Variants in ARHGEF4 observed in about 807,000 individuals in gnomAD.
ARHGEF4 encodes APC-stimulated guanine nucleotide exchange factor 1.
In ARHGEF4, 119 loss-of-function variants were observed where a neutral mutation model predicts 162.0. That is an observed-to-expected ratio of 0.73 (90% confidence interval 0.63 to 0.86). The LOEUF is 0.86. Among genes scored for constraint, ARHGEF4 ranks in the 40% least tolerant of loss-of-function variants. ARHGEF4 has a pLI of 0.00. For missense variants in ARHGEF4, 2,488 were observed against 2,456.0 expected (o/e 1.01, Z -0.28); for synonymous variants, 1,014 against 979.9 (o/e 1.03, Z -0.65).
At chr2:130,930,099 T>C (rs1682542060) in intron 2 of ARHGEF4, among the ~76,000 whole-genome samples, 1 of 152,182 alleles carries the variant, frequency 6.6e-6, no homozygotes, top group Non-Finnish European at 1.5e-5. Flanking sequence ...TTCACTGTGT[T>C]AGCCAGGATA....
chr2:131,010,552 G>A (rs1052577927), intron 4 of ARHGEF4, among the ~76,000 whole-genome samples: 2 of 152,190 alleles, frequency 1.3e-5, no homozygotes, highest in Admixed American at 6.5e-5. Context: ...TTTGGATGAC[G>A]CTAATGGCCT....
chr2:130,976,331 T>TTG (rs1685703743), intron 4 of ARHGEF4, among the ~76,000 whole-genome samples: 5 of 114,266 alleles, frequency 4.4e-5, no homozygotes, highest in African/African-American at 1.2e-4. Context: ...GGCCCCAGAA[T>TTG]CGTGTGTGTG....
chr2:130,945,265 C>T (rs1324097931), intron 3 of ARHGEF4, among the ~76,000 whole-genome samples: 2 of 151,998 alleles, frequency 1.3e-5, no homozygotes, highest in African/African-American at 4.8e-5. Context: ...AAAGCTGGGG[C>T]TTTCATTTTC....
chr2:130,969,884 C>A (rs1162672445), intron 4 of ARHGEF4, among the ~76,000 whole-genome samples: 1 of 152,166 alleles, frequency 6.6e-6, no homozygotes, highest in African/African-American at 2.4e-5. Flanking sequence ...GAAATGGAGT[C>A]ATATCATGTT....
intron 3 of ARHGEF4, among the ~76,000 whole-genome samples, chr2:130,942,862 AT>A (rs1683394159): frequency 1.3e-5 from 2 of 152,214 alleles, no homozygotes; most frequent in South Asian, 4.1e-4. Flanking sequence ...ATCACCAAGG[AT>A]ATAGCCTCTC....
chr2:130,848,488 C>T (rs1365547044), intron 1 of ARHGEF4, among the ~76,000 whole-genome samples: 1 of 152,196 alleles, frequency 6.6e-6, no homozygotes, highest in African/African-American at 2.4e-5. Flanking sequence ...GAGAATTCAA[C>T]GAAGGCTCTG....
rs80149240 is a variant in ARHGEF4 at position 130,877,308 on chromosome 2, G to A, written c.40-36678G>A. 6.8e-3 allele frequency among the ~76,000 whole-genome samples: 1,039 copies of A among 152,242 alleles called. 4 individuals carry two copies. Among genetic ancestry groups the A allele is most frequent in the Non-Finnish European group, 0.012 (783 of 68,014 alleles). Reference sequence around the variant, plus strand: ...TTATTTTAATTAACGAATAAATATGGTATATATTTAGTGTACACAACATGT... The same window carrying A: ...TTATTTTAATTAACGAATAAATATGATATATATTTAGTGTACACAACATGT... On this transcript the variant is annotated intron_variant, in intron 1 of 13. Coordinates refer to ENST00000409359, the MANE Select transcript of ARHGEF4 (RefSeq NM_001367493.1).
At chr2:130,912,416 C>G (rs913457790) in intron 1 of ARHGEF4, among the ~76,000 whole-genome samples, 2 of 152,218 alleles carry the variant, frequency 1.3e-5, no homozygotes, top group Admixed American at 6.5e-5. Flanking sequence ...ATTCCGAACG[C>G]CTTCTGCTTT....
chr2:131,030,912 C>A (rs937922785), intron 5 of ARHGEF4, among the ~76,000 whole-genome samples: 1 of 152,254 alleles, frequency 6.6e-6, no homozygotes, highest in Non-Finnish European at 1.5e-5. Flanking sequence ...TGTCCTGCGA[C>A]AGGCCAGTTC....
chr2:130,967,678 A>G (rs967656731), intron 4 of ARHGEF4, among the ~76,000 whole-genome samples: 4 of 152,218 alleles, frequency 2.6e-5, no homozygotes, highest in African/African-American at 9.7e-5. Flanking sequence ...TAGATGAATC[A>G]TACACATTTC....
chr2:130,855,694 C>T (rs955522006), intron 1 of ARHGEF4, among the ~76,000 whole-genome samples: 1 of 152,170 alleles, frequency 6.6e-6, no homozygotes, highest in Admixed American at 6.5e-5. Context: ...GCAGGATATC[C>T]TAAGACCTCA....
intron 4 of ARHGEF4, among the ~76,000 whole-genome samples, chr2:130,950,158 C>T (rs905722908): frequency 1.3e-5 from 2 of 152,190 alleles, no homozygotes. Context: ...CATGAGTCAG[C>T]GCCTAGAGGC....
At chr2:131,007,158 A>G (rs934670899) in intron 4 of ARHGEF4, among the ~76,000 whole-genome samples, 5 of 152,228 alleles carry the variant, frequency 3.3e-5, no homozygotes, top group Admixed American at 2.6e-4. Flanking sequence ...TCAGTCCTCT[A>G]TGTGGAAGAT....
chr2:130,992,410 C>T (rs368344457), intron 4 of ARHGEF4, among the ~76,000 whole-genome samples: 1 of 152,196 alleles, frequency 6.6e-6, no homozygotes, highest in Non-Finnish European at 1.5e-5. Context: ...AGGTCTGTAG[C>T]TTCACTCCTG....
Position 130,847,745 on chromosome 2 carries a change from G to C in ARHGEF4, c.39+10753G>C, listed in dbSNP as rs944945133. ...TTCTAGAGTTTAGAAAACATCAGGC[G>C]AGGCTTCACAGGAACAGTGCTGGCT... On this transcript the variant is annotated intron_variant, in intron 1 of 13. Transcript: ENST00000409359. 3.9e-5 allele frequency among the ~76,000 whole-genome samples: 6 copies of C among 152,310 alleles called. No individual in the cohort carries two copies. In the East Asian group the frequency reaches 1.2e-3, roughly 29 times the overall value.
At chr2:131,028,747 T>A (rs772491047) in intron 5 of ARHGEF4, among the ~76,000 whole-genome samples, 1 of 152,160 alleles carries the variant, frequency 6.6e-6, no homozygotes, top group Non-Finnish European at 1.5e-5. Context: ...GAGGGTGTTG[T>A]TGAACGTCAT....
chr2:130,958,290 G>C (rs1340079626), intron 4 of ARHGEF4, among the ~76,000 whole-genome samples: 5 of 152,188 alleles, frequency 3.3e-5, no homozygotes, highest in African/African-American at 1.2e-4. Flanking sequence ...GAGCTGTAAA[G>C]GGGGAGAGGG....
At chr2:130,868,008 C>G (rs1233558290) in intron 1 of ARHGEF4, among the ~76,000 whole-genome samples, 1 of 147,890 alleles carries the variant, frequency 6.8e-6, no homozygotes, top group Non-Finnish European at 1.5e-5. Flanking sequence ...TCACTGCAAG[C>G]TCCGCCTCCC....
intron 1 of ARHGEF4, among the ~76,000 whole-genome samples, chr2:130,853,322 C>T (rs893025288): frequency 1.3e-5 from 2 of 152,170 alleles, no homozygotes; most frequent in African/African-American, 4.8e-5. Context: ...TCTCTGGGCA[C>T]ACGGCTTGGC....
Sources: gnomAD v4.1 joint callset for allele counts (sites outside exome capture counted in the v4.1 genomes callset) on GRCh38, gnomAD v4.1.1 for gene constraint, MANE v1.5 for transcripts, NCBI Gene and HGNC (gene_info 2026-07-23, HGNC 2026-07-21) for gene names.